The following HPCAL4 variants were observed in gnomAD, a reference collection of about 807,000 sequenced individuals.
HPCAL4 encodes hippocalcin like 4.
HPCAL4 carries 16 observed loss-of-function variants against 18.2 expected under a neutral mutation model. The observed-to-expected ratio is 0.88, with a 90% confidence interval of 0.59 to 1.33. The LOEUF is 1.33. HPCAL4 is among the 40% of genes most tolerant of loss of function. The pLI is 0.00. For synonymous variants in HPCAL4, 80 were observed against 97.5 expected (o/e 0.82, Z 1.06); for missense variants, 214 against 256.6 (o/e 0.83, Z 1.14).
In HPCAL4 at chr1:39,680,045, C is replaced by T. The variant is rs1392708217; in HGVS notation, c.*2491G>A. 2 of 152,636 alleles carry T rather than the reference C, an allele frequency of 1.3e-5. No individual in the cohort carries two copies. Among genetic ancestry groups the T allele is most frequent in the Non-Finnish European group, 2.9e-5 (2 of 68,036 alleles). The allele number at this position is 152,636 out of a possible 1,614,324, so 9.5% of individuals were successfully genotyped here. The stretch of plus-strand genomic sequence containing the variant: ...GTTAGCACAGCTGCCAGAGGCAGAA[C>T]ACTGAGTGCTTGAAAATGTGGGGAC... On this transcript the variant is annotated 3_prime_UTR_variant, in exon 4 of 4. Transcript: ENST00000372844.
intron 1 of HPCAL4, among the ~76,000 whole-genome samples, chr1:39,686,357 G>GA (rs945834592): frequency 3.3e-5 from 5 of 151,660 alleles, no homozygotes; most frequent in African/African-American, 9.7e-5. Flanking sequence ...TCTCAAAAAA[G>GA]AAAAAAAAGA....
At chr1:39,686,852 C>A (rs1402501677) in intron 1 of HPCAL4, among the ~76,000 whole-genome samples, 1 of 152,174 alleles carries the variant, frequency 6.6e-6, no homozygotes, top group Non-Finnish European at 1.5e-5. Flanking sequence ...TGCCTAGAGT[C>A]TCTTTGGAAG....
chr1:39,683,805 G>A, intron 3 of HPCAL4, 132 bp downstream of exon 3: 1 of 763,496 alleles, frequency 1.3e-6, no homozygotes, highest in South Asian at 1.7e-5. Flanking sequence ...GGCCTGTAGC[G>A]GGGTGGTAGG....
rs1646600605 is a variant in HPCAL4, at chr1:39,679,320, T to C, written c.*3216A>G. 1 of 152,238 alleles carries C rather than the reference T, an allele frequency of 6.6e-6. No individual in the cohort carries two copies. Among genetic ancestry groups the C allele is most frequent in the Non-Finnish European group, 1.5e-5 (1 of 68,044 alleles). The allele number at this position is 152,238 out of a possible 1,614,324, so 9.4% of individuals were successfully genotyped here. A position where few individuals can be genotyped will look rare whatever the true frequency, so the allele number is the denominator to read the frequency against. ...CCTTTACTTATGAACTAACTTTTTC[T>C]TCACTTTTGATATACAGGTAAGTTA... On this transcript the variant is annotated 3_prime_UTR_variant, in exon 4 of 4. Transcript: ENST00000372844.
chr1:39,682,739 G>A lies in HPCAL4; in HGVS notation c.379-6C>T, dbSNP rs377505787. 7.4e-6 allele frequency: 12 copies of A among 1,613,664 alleles called. No individual in the cohort carries two copies. The highest frequency in any genetic ancestry group is 2.7e-5 in the African/African-American group (2 of 74,938). On this transcript the variant is annotated splice_polypyrimidine_tract_variant and splice_region_variant and intron_variant, in intron 3 of 3. Transcript: ENST00000372844. ...CCCACCATCTTGTAGATTGCCTGGT[G>A]AGGGAAGGAGGAGGGAGGTGTGAAC... is the stretch of plus-strand genomic sequence containing the variant.
chr1:39,686,400 C>G (rs377290784), intron 1 of HPCAL4, among the ~76,000 whole-genome samples: 1 of 152,070 alleles, frequency 6.6e-6, no homozygotes, highest in Non-Finnish European at 1.5e-5. Flanking sequence ...GCAAGATGAC[C>G]TTTGGTGGGG....
rs1646625536 is a variant in HPCAL4 at position 39,681,413 on chromosome 1, C to G, written c.*1123G>C. The G allele has an allele frequency of 6.6e-6, 1 of 152,228 alleles. No homozygotes were observed. Among genetic ancestry groups the G allele is most frequent in the Non-Finnish European group, 1.5e-5 (1 of 68,050 alleles). The allele number at this position is 152,228 out of a possible 1,614,324, so 9.4% of individuals were successfully genotyped here. Reference sequence around the variant, plus strand: ...AGATACGGAATATACACTAGTTTCACTCTTTGCAAACCTTGCTTTTTCCTG... The same window carrying G: ...AGATACGGAATATACACTAGTTTCAGTCTTTGCAAACCTTGCTTTTTCCTG... On this transcript the variant is annotated 3_prime_UTR_variant, in exon 4 of 4. Transcript: ENST00000372844.
Position 39,683,998 on chromosome 1 carries a change from T to C in HPCAL4, c.317A>G (p.Glu106Gly). 6.2e-7 allele frequency: 1 copy of C among 1,613,954 alleles called. No individual in the cohort carries two copies. The highest frequency in any genetic ancestry group is 8.5e-7 in the Non-Finnish European group (1 of 1,179,916). The change falls in exon 3 of 4, where the codon GAG becomes GGG. Residue 106 changes from glutamate (E) to glycine (G), a missense_variant. Glu to Gly is a moderately conservative substitution (Grantham distance 98, BLOSUM62 -2). Coordinates refer to ENST00000372844, the MANE Select transcript of HPCAL4 (RefSeq NM_016257.4). ...CCCGTCGCCGTCCAGGTCGTACATC[T>C]CAAAGGCCCAGTTGAGCTTCTGCTC... Reference protein sequence around the residue: ...SFEQKLNWAFEMYDLDGDGRI... With the variant: ...SFEQKLNWAFGMYDLDGDGRI...
At chr1:39,688,090 G>A (rs547473057) in intron 1 of HPCAL4, among the ~76,000 whole-genome samples, 15 of 152,240 alleles carry the variant, frequency 9.9e-5, no homozygotes, top group Admixed American at 8.5e-4. Context: ...ACCTGCCTGG[G>A]CCACCGTCTC....
chr1:39,682,781 G>A (rs894789343), intron 3 of HPCAL4, 48 bp from the exon 4 acceptor site: 36 of 1,493,418 alleles, frequency 2.4e-5, no homozygotes, highest in Middle Eastern at 1.7e-4. Context: ...AAGGGGCCCC[G>A]AGAAGCAGCG....
Position 39,684,171 on chromosome 1 carries a change from G to A in HPCAL4, c.163-19C>T. 1 of 1,590,964 alleles carries A rather than the reference G, an allele frequency of 6.3e-7. No homozygotes were observed. The highest frequency in any genetic ancestry group is 8.6e-7 in the Non-Finnish European group (1 of 1,164,996). ...GGAAGAACTGAGGGGGGTGCGGTGG[G>A]TTGGGGCGCAGCGACAGCCCCGCCC... On this transcript the variant is annotated intron_variant, in intron 2 of 3. Transcript: ENST00000372844.
At chr1:39,689,951 G>A (rs564249) in intron 1 of HPCAL4, among the ~76,000 whole-genome samples, 48,177 of 152,018 alleles carry the variant, frequency 0.32, 7,945 homozygotes, top group African/African-American at 0.34. Flanking sequence ...CTTAATGAGA[G>A]GCAGGGGATG....
In HPCAL4 at chr1:39,681,098, A is replaced by C. The variant is rs1352404117; in HGVS notation, c.*1438T>G. ...CAAGATTAATTTTTCCGGCAGTCAAAGCATGCAGCTGTATAGCTCATGGAT... is the reference window on the plus strand; with the variant it reads ...CAAGATTAATTTTTCCGGCAGTCAACGCATGCAGCTGTATAGCTCATGGAT... On this transcript the variant is annotated 3_prime_UTR_variant, in exon 4 of 4. Transcript: ENST00000372844. 1.3e-5 allele frequency: 2 copies of C among 152,600 alleles called. No homozygotes were observed. The highest frequency in any genetic ancestry group is 3.8e-4 in the East Asian group (2 of 5,206). 9.5% of individuals were successfully genotyped at this position (152,600 alleles called of 1,614,324 possible). A position where few individuals can be genotyped will look rare whatever the true frequency, so the allele number is the denominator to read the frequency against.
chr1:39,685,528 G>C (rs1254635689), intron 1 of HPCAL4, among the ~76,000 whole-genome samples: 1 of 152,188 alleles, frequency 6.6e-6, no homozygotes, highest in Non-Finnish European at 1.5e-5. Flanking sequence ...GAGGCCAGGA[G>C]TTTGAGACCA....
intron 1 of HPCAL4, among the ~76,000 whole-genome samples, chr1:39,689,244 GT>G (rs1187174798): frequency 1.2e-3 from 183 of 152,090 alleles, no homozygotes; most frequent in African/African-American, 4.3e-3. Flanking sequence ...GAGAGCAGGG[GT>G]TTTTTCTCTC....
At chr1:39,687,342 G>A (rs1402409079) in intron 1 of HPCAL4, among the ~76,000 whole-genome samples, 1 of 152,236 alleles carries the variant, frequency 6.6e-6, no homozygotes, top group Non-Finnish European at 1.5e-5. Flanking sequence ...AAGGCTCAGG[G>A]TATAGTCAAG....
chr1:39,683,495 G>C (rs1284378501), intron 3 of HPCAL4, among the ~76,000 whole-genome samples: 9 of 152,154 alleles, frequency 5.9e-5, no homozygotes, highest in Admixed American at 5.9e-4. Context: ...TCTCCATCAC[G>C]CGCTCTCCCT....
intron 1 of HPCAL4, among the ~76,000 whole-genome samples, chr1:39,686,974 T>C (rs903119596): frequency 6.6e-6 from 1 of 152,186 alleles, no homozygotes; most frequent in African/African-American, 2.4e-5. Context: ...CCAGTGGGCT[T>C]CTAATTCTTA....
chr1:39,683,592 C>T (rs1045086029), intron 3 of HPCAL4, among the ~76,000 whole-genome samples: 7 of 152,218 alleles, frequency 4.6e-5, no homozygotes, highest in Non-Finnish European at 1.0e-4. Flanking sequence ...AAATTTCTCA[C>T]TAGAAGGAAT....
Sources: gnomAD v4.1 joint callset for allele counts (sites outside exome capture counted in the v4.1 genomes callset) on GRCh38, gnomAD v4.1.1 for gene constraint, MANE v1.5 for transcripts, NCBI Gene and HGNC (gene_info 2026-07-23, HGNC 2026-07-21) for gene names.